Variants in FUT9 observed in about 807,000 individuals in gnomAD.
The protein encoded by FUT9 is 4-galactosyl-N-acetylglucosaminide 3-alpha-L-fucosyltransferase 9.
In FUT9, 15 loss-of-function variants were observed where a neutral mutation model predicts 29.7. The ratio of observed to expected loss-of-function variants is 0.51; its 90% CI spans 0.34 to 0.78. The LOEUF (loss-of-function observed/expected upper bound fraction) is 0.78, where lower values mean the gene tolerates loss of function less well. Ranked by LOEUF, FUT9 falls within the 30% of genes least tolerant of loss-of-function variation. FUT9 has a pLI of 0.01. For missense variants in FUT9, 319 were observed against 425.4 expected (o/e 0.75, Z 2.20); for synonymous variants, 169 against 153.7 (o/e 1.10, Z -0.74).
intron 1 of FUT9, among the ~76,000 whole-genome samples, chr6:96,058,793 T>G (rs879833688): frequency 6.6e-6 from 1 of 152,176 alleles, no homozygotes; most frequent in Non-Finnish European, 1.5e-5. Flanking sequence ...GCTTGGTTTA[T>G]AGTGATGATA....
intron 1 of FUT9, among the ~76,000 whole-genome samples, chr6:96,059,895 G>A (rs1187723654): frequency 6.6e-6 from 1 of 152,178 alleles, no homozygotes; most frequent in East Asian, 1.9e-4. Context: ...ATGGAAGCAT[G>A]GTTAGAATAG....
At chr6:96,114,855 A>G (rs2127962232) in intron 2 of FUT9, among the ~76,000 whole-genome samples, 1 of 152,314 alleles carries the variant, frequency 6.6e-6, no homozygotes, top group East Asian at 1.9e-4. Context: ...CTTGGATGAA[A>G]GCAAGCTATG....
chr6:96,151,535 T>C (rs1165385710), intron 2 of FUT9, among the ~76,000 whole-genome samples: 2 of 152,162 alleles, frequency 1.3e-5, no homozygotes, highest in East Asian at 3.9e-4. Context: ...AGTTCTGCCT[T>C]CCTCCTTGCT....
At chr6:96,105,431 A>G (rs1170749662) in intron 1 of FUT9, among the ~76,000 whole-genome samples, 4 of 152,182 alleles carry the variant, frequency 2.6e-5, no homozygotes, top group Non-Finnish European at 4.4e-5. Flanking sequence ...GTGTAAGCAC[A>G]CCTTTAAAAT....
chr6:96,074,205 G>T (rs986563406), intron 1 of FUT9, among the ~76,000 whole-genome samples: 1 of 152,094 alleles, frequency 6.6e-6, no homozygotes, highest in African/African-American at 2.4e-5. Flanking sequence ...AATGCAGCCT[G>T]CCTGGCAGCT....
rs565287641 is a variant in FUT9 at position 96,203,560 on chromosome 6, T to C, written c.405T>C (p.Asn135=). 1.1e-4 allele frequency: 181 copies of C among 1,613,794 alleles called. 2 individuals carry two copies. The South Asian group carries it at 1.9e-3, about 17-fold the overall frequency. Reference sequence around the variant, plus strand: ...CCTTCCAGAAATGGATTTGGATGAATTTGGAATCACCAACTCACACTCCCC... The same window carrying C: ...CCTTCCAGAAATGGATTTGGATGAACTTGGAATCACCAACTCACACTCCCC... ...RPPFQKWIWM[N]LESPTHTPQK... The change falls in exon 3 of 3, where the codon AAT becomes AAC. Residue 135 remains asparagine (N), a synonymous_variant. Transcript: ENST00000302103.
intron 2 of FUT9, among the ~76,000 whole-genome samples, chr6:96,185,982 T>A (rs1341992656): frequency 6.6e-6 from 1 of 152,094 alleles, no homozygotes; most frequent in Non-Finnish European, 1.5e-5. Context: ...AATTTGTCTC[T>A]CTAAGATTAG....
intron 1 of FUT9, among the ~76,000 whole-genome samples, chr6:96,070,880 G>A (rs4840215): frequency 0.55 from 84,008 of 151,816 alleles, 23,357 homozygotes; most frequent in South Asian, 0.64. Context: ...ATTATGCATT[G>A]CTTTGCTAAG....
chr6:96,188,185 A>G (rs762780629), intron 2 of FUT9, among the ~76,000 whole-genome samples: 5 of 152,080 alleles, frequency 3.3e-5, no homozygotes, highest in Admixed American at 6.6e-5. Context: ...CATAAAATAA[A>G]TTTTCATTCA....
chr6:96,168,988 G>A (rs1046609176), intron 2 of FUT9, among the ~76,000 whole-genome samples: 6 of 152,168 alleles, frequency 3.9e-5, no homozygotes, highest in African/African-American at 1.4e-4. Flanking sequence ...TGCTAGGTCT[G>A]AACAGAAGGG....
intron 1 of FUT9, among the ~76,000 whole-genome samples, chr6:96,077,646 T>A (rs6940612): frequency 0.14 from 21,860 of 152,152 alleles, 1,880 homozygotes; most frequent in East Asian, 0.33. Context: ...CAGCTCTTTG[T>A]TGGCTGGATT....
intron 1 of FUT9, among the ~76,000 whole-genome samples, chr6:96,032,126 A>C: frequency 6.6e-6 from 1 of 151,378 alleles, no homozygotes; most frequent in East Asian, 1.9e-4. Flanking sequence ...TAGGACTTTT[A>C]AAAAAAATCC....
chr6:96,195,562 C>T (rs1452040456), intron 2 of FUT9, among the ~76,000 whole-genome samples: 2 of 152,032 alleles, frequency 1.3e-5, no homozygotes, highest in Admixed American at 6.6e-5. Context: ...AGGAGGAATG[C>T]CCATTAGAGA....
chr6:96,143,770 CTGTT>C (rs1160539455), intron 2 of FUT9, among the ~76,000 whole-genome samples: 2 of 152,184 alleles, frequency 1.3e-5, no homozygotes, highest in East Asian at 1.9e-4. Flanking sequence ...GGCTGAGTCA[CTGTT>C]TGTTTGCACA....
At chr6:96,098,445 C>G (rs948661727) in intron 1 of FUT9, among the ~76,000 whole-genome samples, 1 of 152,138 alleles carries the variant, frequency 6.6e-6, no homozygotes, top group Non-Finnish European at 1.5e-5. Context: ...TTCTTTTCAC[C>G]TAAAAGACTA....
chr6:96,094,770 C>A (rs1305572069), intron 1 of FUT9, among the ~76,000 whole-genome samples: 1 of 152,104 alleles, frequency 6.6e-6, no homozygotes, highest in Non-Finnish European at 1.5e-5. Flanking sequence ...CTAGAGGGAA[C>A]TACAAAGTTT....
intron 2 of FUT9, among the ~76,000 whole-genome samples, chr6:96,116,737 G>A (rs1212342473): frequency 6.6e-6 from 1 of 152,090 alleles, no homozygotes; most frequent in African/African-American, 2.4e-5. Flanking sequence ...TTCTGAAAAA[G>A]CCAAAACATA....
At chr6:96,042,405 T>C (rs2127933375) in intron 1 of FUT9, among the ~76,000 whole-genome samples, 1 of 152,332 alleles carries the variant, frequency 6.6e-6, no homozygotes, top group East Asian at 1.9e-4. Flanking sequence ...ATTAAAAATT[T>C]AAAACACATG....
At chr6:96,089,515 C>T (rs1353958132) in intron 1 of FUT9, among the ~76,000 whole-genome samples, 5 of 152,178 alleles carry the variant, frequency 3.3e-5, no homozygotes, top group Non-Finnish European at 7.3e-5. Context: ...TATTTGCTTT[C>T]CTACTTCTTC....
Sources: allele counts gnomAD v4.1 joint callset (sites outside exome capture counted in the v4.1 genomes callset), GRCh38; gene constraint gnomAD v4.1.1; transcripts MANE v1.5; gene names NCBI Gene and HGNC (gene_info 2026-07-23, HGNC 2026-07-21).